Variants in SPIDR observed in about 807,000 individuals in gnomAD.
SPIDR encodes the protein scaffold protein involved in DNA repair, also known as DNA repair-scaffolding protein.
A neutral mutation model predicts 104.6 loss-of-function variants in SPIDR; 93 were observed. The ratio of observed to expected loss-of-function variants is 0.89; its 90% CI spans 0.75 to 1.06. The LOEUF is 1.06. Among genes scored for constraint, SPIDR ranks in the 50% least tolerant of loss-of-function variants. The pLI is 0.00. For synonymous variants in SPIDR, 431 were observed against 416.9 expected (o/e 1.03, Z -0.41); for missense variants, 1,154 against 1,111.2 (o/e 1.04, Z -0.55).
At chr8:47,549,990 C>T (rs2090170633) in intron 8 of SPIDR, among the ~76,000 whole-genome samples, 1 of 152,176 alleles carries the variant, frequency 6.6e-6, no homozygotes, top group African/African-American at 2.4e-5. Flanking sequence ...ATATGGCTAG[C>T]CAGTTTTCCC....
chr8:47,282,008 A>G (rs2037887297), intron 2 of SPIDR, among the ~76,000 whole-genome samples: 3 of 152,238 alleles, frequency 2.0e-5, no homozygotes, highest in Non-Finnish European at 2.9e-5. Flanking sequence ...ATCTCCTTGT[A>G]CTTCTCCATC....
intron 8 of SPIDR, among the ~76,000 whole-genome samples, chr8:47,460,795 T>A (rs917689478): frequency 6.6e-6 from 1 of 152,222 alleles, no homozygotes; most frequent in Non-Finnish European, 1.5e-5. Context: ...TTCATGTGTT[T>A]CCAGGATTTG....
At chr8:47,671,310 C>T (rs1364782441) in intron 10 of SPIDR, among the ~76,000 whole-genome samples, 2 of 152,026 alleles carry the variant, frequency 1.3e-5, no homozygotes, top group East Asian at 1.9e-4. Flanking sequence ...CCAGGCCAGG[C>T]GGGGTGGCTC....
intron 8 of SPIDR, among the ~76,000 whole-genome samples, chr8:47,469,432 C>T (rs534535945): frequency 3.4e-4 from 52 of 152,164 alleles, no homozygotes; most frequent in African/African-American, 1.2e-3. Context: ...ATGTTTGTTG[C>T]AGCATTGTTG....
chr8:47,542,724 A>G (rs2088468259), intron 8 of SPIDR, among the ~76,000 whole-genome samples: 1 of 152,188 alleles, frequency 6.6e-6, no homozygotes, highest in African/African-American at 2.4e-5. Context: ...TAAGGGTAAT[A>G]TCTTGCAGAA....
At chr8:47,371,651 T>TG (rs1554639014) in intron 5 of SPIDR, among the ~76,000 whole-genome samples, 1 of 152,102 alleles carries the variant, frequency 6.6e-6, no homozygotes, top group Non-Finnish European at 1.5e-5. Context: ...ATAGGAATCT[T>TG]GGGGGGAGAC....
chr8:47,464,570 A>T (rs2074458887), intron 8 of SPIDR, among the ~76,000 whole-genome samples: 1 of 152,152 alleles, frequency 6.6e-6, no homozygotes, highest in South Asian at 2.1e-4. Context: ...CTCTGGGGGA[A>T]TGGCTGAGTT....
chr8:47,349,008 G>A (rs781164626), intron 5 of SPIDR, among the ~76,000 whole-genome samples: 2 of 152,178 alleles, frequency 1.3e-5, no homozygotes, highest in African/African-American at 4.8e-5. Flanking sequence ...GAGGAGCTGC[G>A]ATCCTTTGGA....
intron 10 of SPIDR, among the ~76,000 whole-genome samples, chr8:47,649,715 A>G (rs2071255673): frequency 6.6e-6 from 1 of 152,220 alleles, no homozygotes; most frequent in Non-Finnish European, 1.5e-5. Context: ...ACCCTCAAAT[A>G]ATTCAGGGGA....
chr8:47,276,752 T>TA (rs1218413112), intron 1 of SPIDR: 1 of 152,204 alleles, frequency 6.6e-6, no homozygotes, highest in African/African-American at 2.4e-5. Context: ...TGTGTAGTGT[T>TA]AGAGACTTGA....
chr8:47,270,372 G>A (rs914906266), intron 1 of SPIDR, among the ~76,000 whole-genome samples: 1 of 151,978 alleles, frequency 6.6e-6, no homozygotes, highest in Non-Finnish European at 1.5e-5. Context: ...GTCTTTCTCG[G>A]AATTTGTTCA....
intron 10 of SPIDR, among the ~76,000 whole-genome samples, chr8:47,605,127 A>G (rs1328530370): frequency 6.6e-6 from 1 of 152,244 alleles, no homozygotes; most frequent in Admixed American, 6.5e-5. Context: ...TTGAACTCCA[A>G]GGTCCTCTTG....
chr8:47,647,647 AG>A (rs1563415976), intron 10 of SPIDR, among the ~76,000 whole-genome samples: 59 of 144,754 alleles, frequency 4.1e-4, no homozygotes, highest in Admixed American at 3.6e-3. Context: ...AGAGAGAGAG[AG>A]AGAGAGGGAG....
chr8:47,552,000 C>CT (rs1406403697), intron 8 of SPIDR, among the ~76,000 whole-genome samples: 2 of 152,166 alleles, frequency 1.3e-5, no homozygotes, highest in African/African-American at 4.8e-5. Flanking sequence ...CAGAGAACAT[C>CT]TTTATTTCTG....
At chr8:47,436,306 G>C (rs115050491) in intron 7 of SPIDR, among the ~76,000 whole-genome samples, 53 of 152,348 alleles carry the variant, frequency 3.5e-4, no homozygotes, top group African/African-American at 1.2e-3. Flanking sequence ...TATTTTGGCT[G>C]TCTTGTAGCA....
chr8:47,677,680 C>A (rs1001293660), intron 11 of SPIDR, among the ~76,000 whole-genome samples: 1 of 152,166 alleles, frequency 6.6e-6, no homozygotes, highest in African/African-American at 2.4e-5. Context: ...AATTGTGTCC[C>A]TTTCAACCCA....
In SPIDR at chr8:47,672,692, T is replaced by G. The variant is rs983899307; in HGVS notation, c.1545-1109T>G. ...TTTAAAACAGTTATTCTATATTTTC[T>G]ATTCATTAATTCTAATATCTCAAGT... On this transcript the variant is annotated intron_variant, in intron 10 of 19. Coordinates refer to ENST00000297423, the MANE Select transcript of SPIDR (RefSeq NM_001080394.4). Among the ~76,000 whole-genome samples, 75 of 152,268 alleles carry G rather than the reference T, an allele frequency of 4.9e-4. 1 individual carries two copies. Among genetic ancestry groups the G allele is most frequent in the African/African-American group, 1.7e-3 (69 of 41,476 alleles).
At chr8:47,659,655 G>T (rs2073714590) in intron 10 of SPIDR, 2 of 934,350 alleles carry the variant, frequency 2.1e-6, no homozygotes, top group Admixed American at 2.0e-4. Flanking sequence ...GGCCCTTCTC[G>T]CCCCCGCCTT....
chr8:47,718,722 TTG>T (rs2082936358), intron 16 of SPIDR, among the ~76,000 whole-genome samples: 3 of 152,172 alleles, frequency 2.0e-5, no homozygotes. Context: ...TATAGAAATA[TTG>T]AAGAATAGAA....
Sources: gnomAD v4.1 joint callset for allele counts (sites outside exome capture counted in the v4.1 genomes callset) on GRCh38, gnomAD v4.1.1 for gene constraint, MANE v1.5 for transcripts, NCBI Gene and HGNC (gene_info 2026-07-23, HGNC 2026-07-21) for gene names.